The following CNTN5 variants were observed in gnomAD, a reference collection of about 807,000 sequenced individuals.
CNTN5 encodes the protein contactin-5.
A neutral mutation model predicts 129.1 loss-of-function variants in CNTN5; 77 were observed. The observed-to-expected ratio is 0.60, with a 90% confidence interval of 0.50 to 0.72. The LOEUF (loss-of-function observed/expected upper bound fraction) is 0.72, where lower values mean the gene tolerates loss of function less well. Among genes scored for constraint, CNTN5 ranks in the 30% least tolerant of loss-of-function variants. The pLI is 0.00. For missense variants in CNTN5, 1,478 were observed against 1,328.8 expected, an observed-to-expected ratio of 1.11 and a Z score of -1.75; for synonymous variants, 509 against 465.6, an observed-to-expected ratio of 1.09 and a Z score of -1.20.
chr11:100,327,573 C>G (rs543760035), intron 21 of CNTN5, among the ~76,000 whole-genome samples: 4 of 152,144 alleles, frequency 2.6e-5, no homozygotes, highest in Non-Finnish European at 5.9e-5. Flanking sequence ...GATCAAAACC[C>G]GAGTTTTACA....
intron 2 of CNTN5, among the ~76,000 whole-genome samples, chr11:99,534,202 G>C (rs1565269342): frequency 6.6e-6 from 1 of 152,102 alleles, no homozygotes; most frequent in Non-Finnish European, 1.5e-5. Flanking sequence ...CAATAATATA[G>C]ATACTGAGTA....
chr11:99,345,648 C>CA (rs1314776532), intron 2 of CNTN5, among the ~76,000 whole-genome samples: 1 of 152,134 alleles, frequency 6.6e-6, no homozygotes, highest in Non-Finnish European at 1.5e-5. Flanking sequence ...AGCGTTAATA[C>CA]CTGTGTTTTC....
At chr11:99,822,376 G>A (rs191410761) in intron 4 of CNTN5, among the ~76,000 whole-genome samples, 60 of 152,244 alleles carry the variant, frequency 3.9e-4, no homozygotes, top group South Asian at 1.4e-3. Context: ...GAATGGATAC[G>A]TTGTATTATT....
At chr11:99,201,800 C>T (rs183835803) in intron 1 of CNTN5, among the ~76,000 whole-genome samples, 1 of 152,108 alleles carries the variant, frequency 6.6e-6, no homozygotes, top group Non-Finnish European at 1.5e-5. Flanking sequence ...CTAGAAGGAG[C>T]AAAGGGCAAG....
At chr11:100,129,145 G>A (rs1477643625) in intron 13 of CNTN5, among the ~76,000 whole-genome samples, 1 of 152,082 alleles carries the variant, frequency 6.6e-6, no homozygotes, top group Non-Finnish European at 1.5e-5. Context: ...TACTGAATGA[G>A]CACATAATTA....
rs115447107 is a variant in CNTN5 at position 99,672,016 on chromosome 11, C to T, written c.55+115747C>T. Among the ~76,000 whole-genome samples the T allele has an allele frequency of 3.5e-3, 538 of 152,278 alleles. 6 individuals carry two copies. The highest frequency in any genetic ancestry group is 0.012 in the African/African-American group (519 of 41,566). ...TTCTCCAAATGTGCTGTGTCATCAT[C>T]TCCTTTCCTGCTAATCAGCGGTATC... On this transcript the variant is annotated intron_variant, in intron 3 of 24. Transcript: ENST00000524871.
intron 8 of CNTN5, among the ~76,000 whole-genome samples, chr11:99,960,416 C>T (rs1380637187): frequency 1.3e-5 from 2 of 151,922 alleles, no homozygotes; most frequent in South Asian, 2.1e-4. Context: ...ATCTTATCTT[C>T]TATACTTCTT....
chr11:99,824,273 C>A (rs1946886541), intron 4 of CNTN5, among the ~76,000 whole-genome samples: 1 of 152,012 alleles, frequency 6.6e-6, no homozygotes, highest in Admixed American at 6.6e-5. Flanking sequence ...TATTTCTCCA[C>A]ATTGTCACCA....
chr11:100,028,908 T>G (rs537390088), intron 9 of CNTN5, among the ~76,000 whole-genome samples: 3 of 152,222 alleles, frequency 2.0e-5, no homozygotes, highest in Non-Finnish European at 4.4e-5. Flanking sequence ...TTTTACTTAC[T>G]AGGTCTAGGG....
chr11:99,901,992 G>C (rs182618768), intron 6 of CNTN5, among the ~76,000 whole-genome samples: 135 of 152,224 alleles, frequency 8.9e-4, no homozygotes, highest in African/African-American at 3.1e-3. Context: ...GTTTATCTAA[G>C]GTTACATGGT....
At chr11:100,252,518 AT>A (rs1949984216) in intron 16 of CNTN5, among the ~76,000 whole-genome samples, 1 of 151,406 alleles carries the variant, frequency 6.6e-6, no homozygotes, top group South Asian at 2.1e-4. Context: ...CTTCCTCTAT[AT>A]TTTTTTCTAG....
In CNTN5 at chr11:100,076,008, C is replaced by T. The variant is rs7939326; in HGVS notation, c.1580+1714C>T. Among the ~76,000 whole-genome samples, 913 of 151,994 alleles carry T rather than the reference C, an allele frequency of 6.0e-3. 11 individuals carry two copies. The highest frequency in any genetic ancestry group is 0.021 in the African/African-American group (859 of 41,478). ...AATTTCTCATTCTTAGGTTGGGGGG[C>T]GGGTAGCAAATGACAAATTGTGAGA... On this transcript the variant is annotated intron_variant, in intron 13 of 24. Transcript: ENST00000524871.
chr11:100,070,445 A>G lies in CNTN5; in HGVS notation c.1184A>G (p.Lys395Arg). The G allele has an allele frequency of 6.2e-7, 1 of 1,612,274 alleles. No individual in the cohort carries two copies. Among genetic ancestry groups the G allele is most frequent in the Non-Finnish European group, 8.5e-7 (1 of 1,179,068 alleles). ...QVYTYPHWVE[K>R]LNDTQLDSGS... The stretch of plus-strand genomic sequence containing the variant: ...ACAGCCTACCCACACTGGGTAGAAA[A>G]ACTGAATGATACTCAGTTAGACAGT... The change falls in exon 11 of 25, where the codon AAA becomes AGA. Residue 395 changes from lysine (K) to arginine (R), a missense_variant. Transcript: ENST00000524871.
intron 1 of CNTN5, among the ~76,000 whole-genome samples, chr11:99,054,888 A>C (rs1284985053): frequency 6.6e-6 from 1 of 151,976 alleles, no homozygotes; most frequent in African/African-American, 2.4e-5. Context: ...TGTTCAGATG[A>C]GTGTTAGGAA....
rs1952529949 is a variant in CNTN5 at position 100,356,518 on chromosome 11, G to C, written c.*298G>C. 7 of 364,264 alleles carry C rather than the reference G, an allele frequency of 1.9e-5. No individual in the cohort carries two copies. The Admixed American group carries it at 3.0e-4, about 16-fold the overall frequency. The allele number at this position is 364,264 out of a possible 1,614,324, so 22.6% of individuals were successfully genotyped here. On this transcript the variant is annotated 3_prime_UTR_variant, in exon 25 of 25. Transcript: ENST00000524871. Reference sequence around the variant, plus strand: ...AATGTATTCTTTACTTTTTTAATATGTTGGGATTTTATTTTATATCTGATG... The same window carrying C: ...AATGTATTCTTTACTTTTTTAATATCTTGGGATTTTATTTTATATCTGATG...
intron 6 of CNTN5, among the ~76,000 whole-genome samples, chr11:99,869,431 A>G (rs1362206729): frequency 4.6e-5 from 7 of 152,194 alleles, no homozygotes; most frequent in Non-Finnish European, 7.3e-5. Flanking sequence ...TACATTAAAG[A>G]GACCCTAACT....
intron 2 of CNTN5, among the ~76,000 whole-genome samples, chr11:99,455,948 C>T (rs930892101): frequency 9.9e-5 from 15 of 152,108 alleles, no homozygotes; most frequent in Non-Finnish European, 2.1e-4. Context: ...ATAGTTGTGG[C>T]TCTACCTATT....
chr11:99,285,394 A>G (rs541336819), intron 1 of CNTN5, among the ~76,000 whole-genome samples: 9 of 152,118 alleles, frequency 5.9e-5, no homozygotes, highest in Non-Finnish European at 8.8e-5. Flanking sequence ...AGCCACGGGT[A>G]TCTGGATACA....
intron 2 of CNTN5, among the ~76,000 whole-genome samples, chr11:99,492,257 T>C (rs999716681): frequency 3.3e-5 from 5 of 152,204 alleles, no homozygotes; most frequent in Non-Finnish European, 5.9e-5. Flanking sequence ...AAGTTGATGC[T>C]CTCTGGTGAT....
Sources: gnomAD v4.1 joint callset for allele counts (sites outside exome capture counted in the v4.1 genomes callset) on GRCh38, gnomAD v4.1.1 for gene constraint, MANE v1.5 for transcripts, NCBI Gene and HGNC (gene_info 2026-07-23, HGNC 2026-07-21) for gene names.